The following HDX variants were observed in gnomAD, a reference collection of about 807,000 sequenced individuals.
The protein encoded by HDX is chromosome X open reading frame 43.
Under a neutral mutation model 45.2 loss-of-function variants are expected in HDX, and 19 were observed. That is an observed-to-expected ratio of 0.42 (90% CI 0.29 to 0.62). The LOEUF is 0.62. Among genes scored for constraint, HDX ranks in the 20% least tolerant of loss-of-function variants. The pLI is 0.20. For synonymous variants in HDX, 188 were observed against 172.8 expected, an observed-to-expected ratio of 1.09 and a Z score of -0.69; for missense variants, 532 against 493.9, an observed-to-expected ratio of 1.08 and a Z score of -0.73.
chrX:84,322,543 T>A (rs1459440782), intron 10 of HDX, among the ~76,000 whole-genome samples: 4 of 110,777 alleles, frequency 3.6e-5, no homozygotes, highest in African/African-American at 9.8e-5. Flanking sequence ...GTAATTTTAT[T>A]TTTTCTTTCC....
At chrX:84,463,986 A>T (rs1446998215) in intron 4 of HDX, among the ~76,000 whole-genome samples, 1 of 111,589 alleles carries the variant, frequency 9.0e-6, no homozygotes, top group Admixed American at 9.5e-5. Context: ...ATAGTTTGAT[A>T]CTATACTATC....
In HDX at chrX:84,319,310, A is replaced by C. The variant is rs904220786; in HGVS notation, c.*2579T>G. 1 of 110,994 alleles carries C rather than the reference A, an allele frequency of 9.0e-6. No homozygotes were observed. The highest frequency in any genetic ancestry group is 3.3e-5 in the African/African-American group (1 of 30,723). 9.1% of individuals were successfully genotyped at this position (110,994 alleles called of 1,213,427 possible). On this transcript the variant is annotated 3_prime_UTR_variant, in exon 11 of 11. Coordinates refer to ENST00000373177, the MANE Select transcript of HDX (RefSeq NM_001177479.2). ...TGTCCACAAGAGTAATTATAAGCTGATAATTTTTCCTGCTCTAACATATCT... is the reference window on the plus strand; with the variant it reads ...TGTCCACAAGAGTAATTATAAGCTGCTAATTTTTCCTGCTCTAACATATCT...
At position 84,321,715 on chromosome X, in the gene HDX, T is replaced by C; in HGVS notation, c.*174A>G. 1 of 297,007 alleles carries C rather than the reference T, an allele frequency of 3.4e-6. No individual in the cohort carries two copies. Among genetic ancestry groups the C allele is most frequent in the Non-Finnish European group, 6.1e-6 (1 of 165,004 alleles). 24.5% of individuals were successfully genotyped at this position (297,007 alleles called of 1,213,427 possible). ...TCAAACAATGCTTTTAAATTTCACCTACATTTTTGTTGCACTGTAGCCATT... is the reference window on the plus strand; with the variant it reads ...TCAAACAATGCTTTTAAATTTCACCCACATTTTTGTTGCACTGTAGCCATT... On this transcript the variant is annotated 3_prime_UTR_variant, in exon 11 of 11. Coordinates refer to ENST00000373177, the MANE Select transcript of HDX (RefSeq NM_001177479.2).
At chrX:84,447,611 C>G (rs186572880) in intron 4 of HDX, among the ~76,000 whole-genome samples, 69 of 111,018 alleles carry the variant, frequency 6.2e-4, no homozygotes, top group African/African-American at 2.2e-3. Flanking sequence ...AAGTCCTAAA[C>G]AGTTACACCA....
intron 5 of HDX, among the ~76,000 whole-genome samples, chrX:84,363,773 C>T (rs1421654558): frequency 8.9e-6 from 1 of 111,896 alleles, no homozygotes; most frequent in African/African-American, 3.2e-5. Context: ...TGAATTTTTT[C>T]CCAGGGAAGC....
intron 8 of HDX, among the ~76,000 whole-genome samples, chrX:84,334,341 A>G (rs2036909289): frequency 9.0e-6 from 1 of 111,188 alleles, no homozygotes; most frequent in Non-Finnish European, 1.9e-5. Flanking sequence ...TAGCTTGACA[A>G]CTAATTAAAA....
At position 84,493,047 on chromosome X, in the gene HDX, G is replaced by C. The variant is rs551244228; in HGVS notation, c.-109-4915C>G. 7.2e-5 allele frequency among the ~76,000 whole-genome samples: 8 copies of C among 110,508 alleles called. No homozygotes were observed. In the South Asian group the frequency reaches 3.1e-3, roughly 43 times the overall value. On this transcript the variant is annotated intron_variant, in intron 1 of 10. Transcript: ENST00000373177. ...CCTGCCTCAGCCTCCGAGTAGCTAA[G>C]ATTACAGGCACTGGCCACCATGCCC...
chrX:84,388,211 T>C (rs963531774), intron 5 of HDX, among the ~76,000 whole-genome samples: 6 of 111,497 alleles, frequency 5.4e-5, no homozygotes, highest in Admixed American at 9.5e-5. Context: ...ACTTGACCCT[T>C]TTTTCTAGCT....
At position 84,468,693 on chromosome X, in the gene HDX, C is replaced by A. The variant is rs751225681; in HGVS notation, c.1030G>T (p.Gly344Ter). ...GAATTTGGCATATTTCTTCCTGGTC[C>A]GGGCAAGGTTGTACTTTGGTTCTCA... ...RAENQSTTLP[G>*]PGRNMPNSQM... Residue 344 changes from glycine (G) to a stop codon, truncating the protein, a stop_gained, in exon 4 of 11, where the codon GGA (glycine) becomes TGA (stop). Coordinates refer to ENST00000373177, the MANE Select transcript of HDX (RefSeq NM_001177479.2). LOFTEE classifies it high-confidence loss of function. The A allele has an allele frequency of 8.3e-7, 1 of 1,210,355 alleles. No homozygotes were observed.
At chrX:84,477,989 T>G (rs911180272) in intron 2 of HDX, among the ~76,000 whole-genome samples, 14 of 111,957 alleles carry the variant, frequency 1.3e-4, no homozygotes, top group Non-Finnish European at 9.4e-5. Flanking sequence ...TCAGCTTCAC[T>G]GCTGACAATT....
intron 4 of HDX, among the ~76,000 whole-genome samples, chrX:84,442,174 C>T (rs2039774590): frequency 9.0e-6 from 1 of 111,325 alleles, no homozygotes; most frequent in Non-Finnish European, 1.9e-5. Flanking sequence ...GAGAGACTGA[C>T]AAGGCAAATC....
intron 10 of HDX, 62 bp downstream of exon 10, chrX:84,326,116 A>G (rs968566537): frequency 1.5e-5 from 16 of 1,074,658 alleles, no homozygotes; most frequent in Non-Finnish European, 1.9e-5. Context: ...GAAGAACCCA[A>G]GTGTGACATA....
chrX:84,432,660 T>C (rs1056441397), intron 5 of HDX, among the ~76,000 whole-genome samples: 6 of 111,581 alleles, frequency 5.4e-5, no homozygotes, highest in Non-Finnish European at 1.1e-4. Context: ...TTATTGATTT[T>C]TGTACACTGC....
intron 9 of HDX, 33 bp from the exon 10 acceptor site, chrX:84,326,333 C>A: frequency 1.8e-6 from 2 of 1,088,236 alleles, no homozygotes; most frequent in Non-Finnish European, 2.5e-6. Flanking sequence ...ATACAATTAC[C>A]TTATGTAAAC....
chrX:84,391,665 T>C (rs936182601), intron 5 of HDX, among the ~76,000 whole-genome samples: 2 of 111,918 alleles, frequency 1.8e-5, no homozygotes, highest in Admixed American at 9.5e-5. Flanking sequence ...TGATATCTCA[T>C]CATGGTTTTG....
At chrX:84,333,484 A>G (rs2036889182) in intron 9 of HDX, among the ~76,000 whole-genome samples, 1 of 111,227 alleles carries the variant, frequency 9.0e-6, no homozygotes, top group Non-Finnish European at 1.9e-5. Flanking sequence ...TTTGTCATAC[A>G]TTTCATGTTG....
At chrX:84,442,481 A>G (rs1602465751) in intron 4 of HDX, among the ~76,000 whole-genome samples, 1 of 111,422 alleles carries the variant, frequency 9.0e-6, no homozygotes, top group Non-Finnish European at 1.9e-5. Context: ...AAATATTTTT[A>G]CTCAAGATAA....
At chrX:84,493,444 T>C (rs2040933872) in intron 1 of HDX, among the ~76,000 whole-genome samples, 1 of 112,236 alleles carries the variant, frequency 8.9e-6, no homozygotes, top group Non-Finnish European at 1.9e-5. Flanking sequence ...ATGTAATTAA[T>C]ATTCAGTTTT....
At position 84,321,600 on chromosome X, in the gene HDX, A is replaced by G. The variant is rs777338187; in HGVS notation, c.*289T>C. 3.2e-4 allele frequency: 46 copies of G among 144,507 alleles called. No homozygotes were observed. The highest frequency in any genetic ancestry group is 7.8e-4 in the Admixed American group (9 of 11,559). The allele number at this position is 144,507 out of a possible 1,213,427, so 11.9% of individuals were successfully genotyped here. A position where few individuals can be genotyped will look rare whatever the true frequency, so the allele number is the denominator to read the frequency against. ...GTCTTTAGTTATTTTGTCTCTGGTTAGAAATTAGACATAATGAATTTCAGG... is the reference window on the plus strand; with the variant it reads ...GTCTTTAGTTATTTTGTCTCTGGTTGGAAATTAGACATAATGAATTTCAGG... On this transcript the variant is annotated 3_prime_UTR_variant, in exon 11 of 11. Coordinates refer to ENST00000373177, the MANE Select transcript of HDX (RefSeq NM_001177479.2).
Sources: gnomAD v4.1 joint callset for allele counts (sites outside exome capture counted in the v4.1 genomes callset) on GRCh38, gnomAD v4.1.1 for gene constraint, MANE v1.5 for transcripts, NCBI Gene and HGNC (gene_info 2026-07-23, HGNC 2026-07-21) for gene names.